CDH19: variants seen among roughly 807,000 people sequenced by gnomAD.
CDH19 encodes cadherin 19, also known as cadherin-19.
CDH19 carries 67 observed loss-of-function variants against 64.2 expected under a neutral mutation model. That is an observed-to-expected ratio of 1.04 (90% CI 0.86 to 1.28). The LOEUF (loss-of-function observed/expected upper bound fraction) is 1.28, where lower values mean the gene tolerates loss of function less well. CDH19 is among the 50% of genes most tolerant of loss of function. The pLI, the probability that CDH19 is intolerant of heterozygous loss-of-function variation, is 0.00. For synonymous variants in CDH19, 346 were observed against 319.3 expected, an observed-to-expected ratio of 1.08 and a Z score of -0.89; for missense variants, 1,030 against 929.0, an observed-to-expected ratio of 1.11 and a Z score of -1.41.
chr18:66,592,091 C>T (rs1988762944), intron 1 of CDH19, among the ~76,000 whole-genome samples: 1 of 151,866 alleles, frequency 6.6e-6, no homozygotes, highest in South Asian at 2.1e-4. Context: ...TTTCCTTCAG[C>T]TAACCTCCCA....
At chr18:66,545,861 A>C (rs531165632) in intron 5 of CDH19, among the ~76,000 whole-genome samples, 1 of 152,150 alleles carries the variant, frequency 6.6e-6, no homozygotes, top group Non-Finnish European at 1.5e-5. Context: ...AACATTTTGT[A>C]GTCAAAGATG....
intron 1 of CDH19, among the ~76,000 whole-genome samples, chr18:66,591,090 A>C (rs1174016500): frequency 6.6e-6 from 1 of 151,944 alleles, no homozygotes; most frequent in Non-Finnish European, 1.5e-5. Flanking sequence ...GTTTCATGAC[A>C]CTAGTCAAGA....
chr18:66,602,685 T>C (rs1358384002), intron 1 of CDH19, among the ~76,000 whole-genome samples: 2 of 151,840 alleles, frequency 1.3e-5, no homozygotes, highest in Non-Finnish European at 2.9e-5. Context: ...TCGTTCACTG[T>C]TATAAAGGCT....
chr18:66,549,351 A>T (rs1456544201), intron 5 of CDH19, among the ~76,000 whole-genome samples: 1 of 152,032 alleles, frequency 6.6e-6, no homozygotes, highest in Non-Finnish European at 1.5e-5. Context: ...TTTAATAATC[A>T]TCTGCATAAA....
At chr18:66,603,205 T>C (rs1989079990) in intron 1 of CDH19, among the ~76,000 whole-genome samples, 1 of 150,608 alleles carries the variant, frequency 6.6e-6, no homozygotes, top group Admixed American at 6.6e-5. Context: ...TTGGTAAACT[T>C]ATTTTGAAAT....
chr18:66,589,491 T>G (rs1022632087), intron 1 of CDH19, among the ~76,000 whole-genome samples: 3 of 151,924 alleles, frequency 2.0e-5, no homozygotes, highest in African/African-American at 7.2e-5. Context: ...TTTTTGCTGA[T>G]GTTGTGATAG....
intron 9 of CDH19, among the ~76,000 whole-genome samples, chr18:66,521,441 T>C (rs78304965): frequency 0.02 from 3,063 of 152,234 alleles, 93 homozygotes; most frequent in African/African-American, 0.07. Context: ...TTCTTGCATA[T>C]TGAGGACAGA....
At chr18:66,506,852 A>T (rs754843496) in intron 11 of CDH19, among the ~76,000 whole-genome samples, 1 of 151,960 alleles carries the variant, frequency 6.6e-6, no homozygotes, top group African/African-American at 2.4e-5. Flanking sequence ...TAAAACTTGC[A>T]TTTAAAATAT....
chr18:66,529,905 A>G lies in CDH19; in HGVS notation c.1398T>C (p.His466=), dbSNP rs748819631. Residue 466 remains histidine, a synonymous_variant, in exon 9 of 12, where the codon CAT becomes CAC. Coordinates refer to ENST00000262150, the MANE Select transcript of CDH19 (RefSeq NM_021153.4). ...CATAGTATTGAGAGAACTCAGGAGC[A>G]TGATCATTGATGTTAAGAACTTGCA... ...LYVQVLNIND[H]APEFSQYYET... is the part of the protein sequence containing the mutation. 1.6e-5 allele frequency: 25 copies of G among 1,587,668 alleles called. No homozygotes were observed. The highest frequency in any genetic ancestry group is 1.0e-4 in the Admixed American group (6 of 58,670).
intron 3 of CDH19, among the ~76,000 whole-genome samples, chr18:66,559,490 C>A (rs142985818): frequency 6.6e-6 from 1 of 150,866 alleles, no homozygotes; most frequent in Non-Finnish European, 1.5e-5. Context: ...GCAGTTATAA[C>A]GCATTTATAG....
intron 3 of CDH19, among the ~76,000 whole-genome samples, chr18:66,564,847 G>A (rs59690835): frequency 1.4e-5 from 2 of 143,542 alleles, no homozygotes; most frequent in Non-Finnish European, 1.5e-5. Context: ...TATACTACAC[G>A]TATTTTAAAT....
chr18:66,528,756 T>C (rs1986320836), intron 9 of CDH19, among the ~76,000 whole-genome samples: 1 of 152,112 alleles, frequency 6.6e-6, no homozygotes, highest in South Asian at 2.1e-4. Context: ...TAGTAGCTAA[T>C]TGATCAAATA....
chr18:66,586,004 A>G (rs1441401087), intron 1 of CDH19, among the ~76,000 whole-genome samples: 6 of 152,062 alleles, frequency 3.9e-5, no homozygotes, highest in Non-Finnish European at 7.4e-5. Flanking sequence ...GCAGTTTGAA[A>G]CTGAATCTAA....
At chr18:66,588,614 C>CTATCTATATATA (rs1555692697) in intron 1 of CDH19, among the ~76,000 whole-genome samples, 5 of 113,664 alleles carry the variant, frequency 4.4e-5, no homozygotes, top group African/African-American at 1.1e-4. Flanking sequence ...TCATATATAT[C>CTATCTATATATA]TATATCTATA....
intron 1 of CDH19, among the ~76,000 whole-genome samples, chr18:66,587,763 C>T (rs990138258): frequency 2.5e-4 from 38 of 152,048 alleles, no homozygotes; most frequent in Admixed American, 2.6e-4. Context: ...ATACACTTCC[C>T]CCACTAACTT....
At chr18:66,524,536 T>C in intron 9 of CDH19, among the ~76,000 whole-genome samples, 1 of 82,300 alleles carries the variant, frequency 1.2e-5, no homozygotes, top group Non-Finnish European at 2.5e-5. Flanking sequence ...GCGTGTATGT[T>C]TGTGTGTATA....
chr18:66,543,923 T>G (rs1302962287), intron 7 of CDH19, 48 bp downstream of exon 7: 2 of 1,339,804 alleles, frequency 1.5e-6, no homozygotes, highest in African/African-American at 3.0e-5. Flanking sequence ...TTTTAATCTA[T>G]TTTATATTTA....
chr18:66,584,872 C>G (rs1250318444), intron 1 of CDH19, among the ~76,000 whole-genome samples: 1 of 152,048 alleles, frequency 6.6e-6, no homozygotes, highest in Non-Finnish European at 1.5e-5. Context: ...AAATAAAACA[C>G]TGTTTTACTT....
chr18:66,542,586 T>C (rs1331262443), intron 7 of CDH19, among the ~76,000 whole-genome samples: 1 of 152,194 alleles, frequency 6.6e-6, no homozygotes, highest in South Asian at 2.1e-4. Context: ...TGTTTAATTG[T>C]AATACAAGAA....
Sources: gnomAD v4.1 joint callset for allele counts (sites outside exome capture counted in the v4.1 genomes callset) on GRCh38, gnomAD v4.1.1 for gene constraint, MANE v1.5 for transcripts, NCBI Gene and HGNC (gene_info 2026-07-23, HGNC 2026-07-21) for gene names.